The following KCNIP1 variants were observed in gnomAD, a reference collection of about 807,000 sequenced individuals.
KCNIP1 encodes the protein potassium voltage-gated channel interacting protein 1.
Under a neutral mutation model 33.0 loss-of-function variants are expected in KCNIP1, and 18 were observed. That is an observed-to-expected ratio of 0.55 (90% CI 0.38 to 0.81). The LOEUF (loss-of-function observed/expected upper bound fraction) is 0.81, where lower values mean the gene tolerates loss of function less well. Ranked by LOEUF, KCNIP1 falls within the 30% of genes least tolerant of loss-of-function variation. KCNIP1 has a pLI of 0.00. For missense variants in KCNIP1, 238 were observed against 271.6 expected (o/e 0.88, Z 0.87); for synonymous variants, 93 against 98.3 (o/e 0.95, Z 0.32).
chr5:170,518,058 T>C (rs1755214795), intron 1 of KCNIP1, among the ~76,000 whole-genome samples: 1 of 151,808 alleles, frequency 6.6e-6, no homozygotes, highest in Admixed American at 6.6e-5. Flanking sequence ...GGTGGTGTGG[T>C]CATAATGATA....
rs563104235 is a variant in KCNIP1 at position 170,438,158 on chromosome 5, C to T, written c.88+84194C>T. Among the ~76,000 whole-genome samples the T allele has an allele frequency of 2.0e-5, 3 of 152,198 alleles. No homozygotes were observed. In the East Asian group the frequency reaches 5.8e-4, roughly 29 times the overall value. ...TCCGTCCCTCCAGATGTTACTCAGG[C>T]CCCAAACCTTGCCCAGCCTTGTTAG... On this transcript the variant is annotated intron_variant, in intron 1 of 7. Coordinates refer to the KCNIP1 transcript ENST00000377360.
At chr5:170,593,241 C>G (rs1404328343) in intron 1 of KCNIP1, among the ~76,000 whole-genome samples, 2 of 152,224 alleles carry the variant, frequency 1.3e-5, no homozygotes, top group Admixed American at 1.3e-4. Flanking sequence ...ACAACAGAGA[C>G]AGTCTTCTGA....
intron 1 of KCNIP1, among the ~76,000 whole-genome samples, chr5:170,580,788 C>T (rs1757762284): frequency 6.6e-6 from 1 of 152,118 alleles, no homozygotes; most frequent in Non-Finnish European, 1.5e-5. Context: ...CCAGAAGGCC[C>T]TCTATGGGTC....
At chr5:170,555,555 C>T (rs887970557) in intron 1 of KCNIP1, among the ~76,000 whole-genome samples, 15 of 152,308 alleles carry the variant, frequency 9.8e-5, no homozygotes, top group Admixed American at 9.2e-4. Context: ...GGTTTCTTCC[C>T]TTCCTACTTT....
intron 1 of KCNIP1, among the ~76,000 whole-genome samples, chr5:170,452,954 A>T (rs538519730): frequency 2.6e-5 from 4 of 152,330 alleles, no homozygotes; most frequent in African/African-American, 9.6e-5. Flanking sequence ...AGGGGGAAAA[A>T]TCTAAAAAGG....
At chr5:170,524,160 C>T (rs1389267516) in intron 1 of KCNIP1, among the ~76,000 whole-genome samples, 1 of 152,202 alleles carries the variant, frequency 6.6e-6, no homozygotes, top group Non-Finnish European at 1.5e-5. Context: ...CTACACATTC[C>T]CAAGGTTGGA....
At chr5:170,476,255 G>A (rs1756855437) in intron 1 of KCNIP1, among the ~76,000 whole-genome samples, 1 of 152,222 alleles carries the variant, frequency 6.6e-6, no homozygotes, top group African/African-American at 2.4e-5. Context: ...ACAGGCATGA[G>A]CTACTGCACC....
At chr5:170,611,668 A>G (rs562774340) in intron 1 of KCNIP1, among the ~76,000 whole-genome samples, 52 of 151,882 alleles carry the variant, frequency 3.4e-4, no homozygotes, top group Non-Finnish European at 5.9e-4. Context: ...TCCCAAGCCC[A>G]CTCCACCTTC....
intron 1 of KCNIP1, among the ~76,000 whole-genome samples, chr5:170,362,467 G>A (rs1444452032): frequency 1.3e-5 from 2 of 152,200 alleles, no homozygotes; most frequent in African/African-American, 4.8e-5. Flanking sequence ...TGCAATTGAG[G>A]AGAATGCCCT....
chr5:170,401,459 GATT>G (rs1030997035), intron 1 of KCNIP1, among the ~76,000 whole-genome samples: 67 of 152,096 alleles, frequency 4.4e-4, no homozygotes, highest in African/African-American at 1.4e-3. Context: ...TAAAAGGACT[GATT>G]TTTTAAAAAT....
At chr5:170,426,459 C>T (rs755207637) in intron 1 of KCNIP1, among the ~76,000 whole-genome samples, 9 of 152,164 alleles carry the variant, frequency 5.9e-5, no homozygotes, top group Non-Finnish European at 8.8e-5. Context: ...TACTGAAGGG[C>T]GAAGGCTTGA....
At chr5:170,711,069 A>G (rs532680047) in intron 1 of KCNIP1, among the ~76,000 whole-genome samples, 3 of 152,216 alleles carry the variant, frequency 2.0e-5, no homozygotes, top group Non-Finnish European at 4.4e-5. Flanking sequence ...CAGGAAACAA[A>G]CCATCGTTAA....
At chr5:170,699,549 G>T (rs1763017028) in intron 1 of KCNIP1, among the ~76,000 whole-genome samples, 1 of 127,040 alleles carries the variant, frequency 7.9e-6, no homozygotes. Context: ...GAATTAAATT[G>T]CTCTGTGAAA....
intron 1 of KCNIP1, among the ~76,000 whole-genome samples, chr5:170,425,306 T>C (rs1755587204): frequency 6.6e-6 from 1 of 152,204 alleles, no homozygotes; most frequent in African/African-American, 2.4e-5. Context: ...GTCTCATTCT[T>C]TTCCCCTGCA....
chr5:170,670,182 C>T (rs1039273150), intron 1 of KCNIP1, among the ~76,000 whole-genome samples: 2 of 152,084 alleles, frequency 1.3e-5, no homozygotes, highest in Non-Finnish European at 2.9e-5. Context: ...GGTTCCAGAC[C>T]GTCCTCTAAT....
intron 1 of KCNIP1, among the ~76,000 whole-genome samples, chr5:170,629,161 A>T (rs2113665779): frequency 6.6e-6 from 1 of 152,298 alleles, no homozygotes; most frequent in East Asian, 1.9e-4. Flanking sequence ...CCAGCTGCCT[A>T]AGCTCACCAC....
At chr5:170,428,041 A>C (rs1755650762) in intron 1 of KCNIP1, among the ~76,000 whole-genome samples, 1 of 152,212 alleles carries the variant, frequency 6.6e-6, no homozygotes, top group South Asian at 2.1e-4. Context: ...TTCATACTTC[A>C]AAACCATGCT....
chr5:170,507,499 T>G (rs1754764284), intron 1 of KCNIP1, among the ~76,000 whole-genome samples: 1 of 152,174 alleles, frequency 6.6e-6, no homozygotes, highest in African/African-American at 2.4e-5. Context: ...TCTGAGAGCC[T>G]TAACAGCTCA....
At chr5:170,530,964 T>C (rs1755766527) in intron 1 of KCNIP1, among the ~76,000 whole-genome samples, 1 of 152,202 alleles carries the variant, frequency 6.6e-6, no homozygotes, top group African/African-American at 2.4e-5. Flanking sequence ...TGGGGTGGCC[T>C]CCAAGCCTAA....
Sources: allele counts gnomAD v4.1 joint callset (sites outside exome capture counted in the v4.1 genomes callset), GRCh38; gene constraint gnomAD v4.1.1; transcripts MANE v1.5; gene names NCBI Gene and HGNC (gene_info 2026-07-23, HGNC 2026-07-21).